UNC5C: variants seen among roughly 807,000 people sequenced by gnomAD.
UNC5C encodes the protein unc-5 netrin receptor C, also known as netrin receptor UNC5C.
In UNC5C, 47 loss-of-function variants were observed where a neutral mutation model predicts 99.8. That is an observed-to-expected ratio of 0.47 (90% CI 0.37 to 0.60). UNC5C has a LOEUF of 0.60. Ranked by LOEUF, UNC5C falls within the 20% of genes least tolerant of loss-of-function variation. UNC5C has a pLI of 0.00. For missense variants in UNC5C, 1,062 were observed against 1,165.9 expected, an observed-to-expected ratio of 0.91 and a Z score of 1.30; for synonymous variants, 487 against 452.2, an observed-to-expected ratio of 1.08 and a Z score of -0.98.
intron 1 of UNC5C, among the ~76,000 whole-genome samples, chr4:95,522,559 C>T (rs72661328): frequency 0.011 from 1,646 of 151,940 alleles, 10 homozygotes; most frequent in Non-Finnish European, 0.016. Flanking sequence ...GCAACCTACA[C>T]ACAAAAAAAA....
chr4:95,507,423 C>G (rs756845842), intron 1 of UNC5C, among the ~76,000 whole-genome samples: 2 of 151,966 alleles, frequency 1.3e-5, no homozygotes, highest in Non-Finnish European at 2.9e-5. Flanking sequence ...TCCTGGTTCT[C>G]TTTTTTGTCC....
At chr4:95,328,687 G>A (rs1431260670) in intron 2 of UNC5C, among the ~76,000 whole-genome samples, 4 of 146,514 alleles carry the variant, frequency 2.7e-5, no homozygotes, top group Non-Finnish European at 1.5e-5. Flanking sequence ...CACCAACAGT[G>A]TCAAAGTGTT....
intron 1 of UNC5C, among the ~76,000 whole-genome samples, chr4:95,539,660 C>T (rs572867164): frequency 4.6e-5 from 7 of 152,280 alleles, no homozygotes; most frequent in South Asian, 2.1e-4. Context: ...CACACACACT[C>T]ACATACAATT....
chr4:95,431,138 T>A (rs1026266106), intron 1 of UNC5C, among the ~76,000 whole-genome samples: 1 of 152,074 alleles, frequency 6.6e-6, no homozygotes, highest in Non-Finnish European at 1.5e-5. Flanking sequence ...TTTAGGTAAC[T>A]CCCATGCGAC....
intron 10 of UNC5C, among the ~76,000 whole-genome samples, chr4:95,211,616 C>T (rs958469728): frequency 1.3e-5 from 2 of 152,182 alleles, no homozygotes; most frequent in African/African-American, 4.8e-5. Context: ...TGTAACTTAA[C>T]ACATTCCCTT....
intron 2 of UNC5C, among the ~76,000 whole-genome samples, chr4:95,312,522 AATCCTTGGGGATTC>A (rs1391107803): frequency 1.3e-5 from 2 of 152,208 alleles, no homozygotes; most frequent in African/African-American, 4.8e-5. Context: ...TCTGCATAAC[AATCCTTGGGGATTC>A]ATACTGTCAA....
intron 1 of UNC5C, among the ~76,000 whole-genome samples, chr4:95,473,326 C>T (rs912096674): frequency 6.6e-6 from 1 of 152,068 alleles, no homozygotes; most frequent in Non-Finnish European, 1.5e-5. Flanking sequence ...TCCATGGTAA[C>T]CTGGGGTCCT....
intron 1 of UNC5C, among the ~76,000 whole-genome samples, chr4:95,370,206 T>C (rs1364946012): frequency 6.6e-6 from 1 of 152,164 alleles, no homozygotes; most frequent in Non-Finnish European, 1.5e-5. Flanking sequence ...GAAGGTAATA[T>C]ATCTCATTAA....
intron 1 of UNC5C, among the ~76,000 whole-genome samples, chr4:95,530,095 A>G (rs977855015): frequency 2.0e-5 from 3 of 152,132 alleles, no homozygotes; most frequent in African/African-American, 7.2e-5. Flanking sequence ...AGCTACAGAG[A>G]TATTTTCCTT....
At chr4:95,275,926 A>G (rs1246762412) in intron 4 of UNC5C, among the ~76,000 whole-genome samples, 1 of 152,234 alleles carries the variant, frequency 6.6e-6, no homozygotes, top group Non-Finnish European at 1.5e-5. Flanking sequence ...GACTGATCTA[A>G]TTATTACAAA....
At chr4:95,407,500 G>A (rs1243275358) in intron 1 of UNC5C, among the ~76,000 whole-genome samples, 1 of 152,058 alleles carries the variant, frequency 6.6e-6, no homozygotes, top group African/African-American at 2.4e-5. Context: ...GAGACAAAGG[G>A]CAGGGGTCTC....
chr4:95,328,045 TTTTTTTTTTTTTTTTAA>T (rs1271802239), intron 2 of UNC5C, among the ~76,000 whole-genome samples: 5 of 86,482 alleles, frequency 5.8e-5, no homozygotes, highest in Admixed American at 1.2e-4. Flanking sequence ...AACTTCTTTT[TTTTTTTTTTTTTTTTAA>T]TTTTTTTTTT....
intron 1 of UNC5C, among the ~76,000 whole-genome samples, chr4:95,369,887 C>T (rs1560807525): frequency 6.6e-6 from 1 of 151,324 alleles, no homozygotes; most frequent in Non-Finnish European, 1.5e-5. Context: ...TTTTTGTAGC[C>T]CCCCCTTTTT....
intron 1 of UNC5C, among the ~76,000 whole-genome samples, chr4:95,480,851 A>G (rs1190110949): frequency 6.6e-6 from 1 of 151,876 alleles, no homozygotes; most frequent in Non-Finnish European, 1.5e-5. Flanking sequence ...TATTGATGGG[A>G]CGTATCTCAA....
chr4:95,491,128 CTT>C (rs572358029), intron 1 of UNC5C, among the ~76,000 whole-genome samples: 2 of 151,528 alleles, frequency 1.3e-5, no homozygotes, highest in South Asian at 2.1e-4. Flanking sequence ...GCAAACAAAA[CTT>C]TTTCAATGAC....
At chr4:95,513,988 C>T (rs1722146513) in intron 1 of UNC5C, among the ~76,000 whole-genome samples, 3 of 152,142 alleles carry the variant, frequency 2.0e-5, no homozygotes, top group African/African-American at 4.8e-5. Context: ...ACCCCATGAT[C>T]TGGGCAGATG....
At chr4:95,327,425 A>T (rs1742929509) in intron 2 of UNC5C, among the ~76,000 whole-genome samples, 1 of 152,096 alleles carries the variant, frequency 6.6e-6, no homozygotes, top group Admixed American at 6.5e-5. Context: ...AAAAAACTCA[A>T]ACAATAAAAG....
intron 12 of UNC5C, among the ~76,000 whole-genome samples, chr4:95,188,645 G>T (rs577379675): frequency 2.0e-5 from 3 of 152,198 alleles, no homozygotes; most frequent in Non-Finnish European, 2.9e-5. Context: ...CTTCGCACAT[G>T]ATCTCATTTT....
intron 9 of UNC5C, 150 bp from the exon 10 acceptor site, chr4:95,216,361 T>C (rs995062): frequency 0.57 from 337,048 of 587,368 alleles, 101,174 homozygotes; most frequent in Middle Eastern, 0.7. Flanking sequence ...CCTTCCTCAT[T>C]GGCCTCCTTA....
Sources: allele counts gnomAD v4.1 joint callset (sites outside exome capture counted in the v4.1 genomes callset), GRCh38; gene constraint gnomAD v4.1.1; transcripts MANE v1.5; gene names NCBI Gene and HGNC (gene_info 2026-07-23, HGNC 2026-07-21).